Variants in NKAIN3 observed in about 807,000 individuals in gnomAD.
The protein encoded by NKAIN3 is sodium/potassium-transporting ATPase subunit beta-1-interacting protein 3.
Under a neutral mutation model 30.2 loss-of-function variants are expected in NKAIN3, and 25 were observed. The ratio of observed to expected loss-of-function variants is 0.83; its 90% CI spans 0.60 to 1.16. NKAIN3 has a LOEUF of 1.16. Among genes scored for constraint, NKAIN3 ranks in the 50% most tolerant of loss-of-function variants. NKAIN3 has a pLI of 0.00. For synonymous variants in NKAIN3, 91 were observed against 89.6 expected (o/e 1.02, Z -0.09); for missense variants, 225 against 254.1 (o/e 0.89, Z 0.78).
chr8:62,738,610 A>AAG lies in NKAIN3; in HGVS notation c.274-8321_274-8320insGA, dbSNP rs1380455669. Among the ~76,000 whole-genome samples, 7 of 151,700 alleles carry AAG rather than the reference A, an allele frequency of 4.6e-5. No individual in the cohort carries two copies. The East Asian group carries it at 1.4e-3, about 29-fold the overall frequency. ...CAAGATACTCCATCTCCAAAAAAAA[A>AAG]AAAAAAAAGTCCTCTTTTGAGTAGT... On this transcript the variant is annotated intron_variant, in intron 3 of 6. Transcript: ENST00000623646.
At chr8:62,863,274 A>G (rs780766733) in intron 4 of NKAIN3, 1 of 1,555,662 alleles carries the variant, frequency 6.4e-7, no homozygotes, top group Non-Finnish European at 8.7e-7. Flanking sequence ...TTTTTCCTAT[A>G]GGTTTCTGCT....
At chr8:62,431,596 A>G (rs1185629185) in intron 1 of NKAIN3, among the ~76,000 whole-genome samples, 1 of 151,902 alleles carries the variant, frequency 6.6e-6, no homozygotes, top group Non-Finnish European at 1.5e-5. Flanking sequence ...ACTTTAACAA[A>G]ATGAACCAAA....
intron 1 of NKAIN3, among the ~76,000 whole-genome samples, chr8:62,421,471 A>T (rs1804638701): frequency 6.6e-6 from 1 of 152,086 alleles, no homozygotes; most frequent in Non-Finnish European, 1.5e-5. Context: ...GCAGGAGAGG[A>T]TCTAATCCCC....
chr8:62,753,943 A>T (rs948478716), intron 4 of NKAIN3, among the ~76,000 whole-genome samples: 2 of 152,182 alleles, frequency 1.3e-5, no homozygotes, highest in Non-Finnish European at 2.9e-5. Context: ...TAATTTTAAG[A>T]CCATATATAA....
At chr8:62,961,753 C>T (rs1823577099) in intron 6 of NKAIN3, among the ~76,000 whole-genome samples, 1 of 152,020 alleles carries the variant, frequency 6.6e-6, no homozygotes, top group Admixed American at 6.6e-5. Context: ...TACTAACAGA[C>T]TCACATTACA....
At chr8:62,315,383 C>T (rs912579395) in intron 1 of NKAIN3, among the ~76,000 whole-genome samples, 4 of 152,110 alleles carry the variant, frequency 2.6e-5, no homozygotes, top group African/African-American at 4.8e-5. Context: ...CCCTGGGATT[C>T]GTCAGGATTT....
intron 4 of NKAIN3, among the ~76,000 whole-genome samples, chr8:62,749,752 G>A (rs1300376966): frequency 7.0e-6 from 1 of 142,342 alleles, no homozygotes; most frequent in African/African-American, 2.6e-5. Context: ...GCGTGATCTC[G>A]GTTCACTGCA....
intron 4 of NKAIN3, among the ~76,000 whole-genome samples, chr8:62,808,104 TTTAGGTCTCCCTTATTTA>T (rs1818363980): frequency 6.6e-6 from 1 of 152,178 alleles, no homozygotes. Context: ...TTGTCTAGTT[TTTAGGTCTCCCTTATTTA>T]TTAGGGGCAC....
intron 2 of NKAIN3, among the ~76,000 whole-genome samples, chr8:62,585,661 T>C (rs1021787776): frequency 6.6e-6 from 1 of 152,134 alleles, no homozygotes; most frequent in Non-Finnish European, 1.5e-5. Flanking sequence ...GAGAATCTAA[T>C]GCCACGCTGA....
At chr8:62,420,904 A>G (rs999766590) in intron 1 of NKAIN3, among the ~76,000 whole-genome samples, 1 of 152,164 alleles carries the variant, frequency 6.6e-6, no homozygotes, top group African/African-American at 2.4e-5. Flanking sequence ...TTTATAGAAC[A>G]GAGCCCAGAG....
chr8:62,249,501 T>A (rs1413795752), intron 1 of NKAIN3, among the ~76,000 whole-genome samples: 1 of 152,262 alleles, frequency 6.6e-6, no homozygotes, highest in African/African-American at 2.4e-5. Flanking sequence ...ACACGGGGAC[T>A]TGCGGGCTCT....
intron 4 of NKAIN3, among the ~76,000 whole-genome samples, chr8:62,749,106 T>A (rs540183608): frequency 2.0e-5 from 3 of 152,180 alleles, no homozygotes; most frequent in Non-Finnish European, 4.4e-5. Flanking sequence ...TTTTCTAAAA[T>A]CTTTCATATG....
At chr8:62,676,775 A>G (rs1414204946) in intron 3 of NKAIN3, among the ~76,000 whole-genome samples, 1 of 149,630 alleles carries the variant, frequency 6.7e-6, no homozygotes, top group African/African-American at 2.5e-5. Flanking sequence ...ATGCAGTGGC[A>G]TGAACATGGC....
chr8:62,345,484 TATATATACACACATATATACAC>T lies in NKAIN3; in HGVS notation c.54+96369_54+96390del, dbSNP rs1458962122. 3.2e-4 allele frequency among the ~76,000 whole-genome samples: 9 copies of T among 27,808 alleles called. 1 individual carries two copies. In the East Asian group the frequency reaches 9.2e-3, roughly 28 times the overall value. The allele number at this position is 27,808 out of a possible 152,430, so 18.2% of individuals were successfully genotyped here. A position where few individuals can be genotyped will look rare whatever the true frequency, so the allele number is the denominator to read the frequency against. ...ATATACACATATATACACATATATG[TATATATACACACATATATACAC>T]ATATATACACATATATGTATATATA... On this transcript the variant is annotated intron_variant, in intron 1 of 6. Coordinates refer to ENST00000623646, the MANE Select transcript of NKAIN3 (RefSeq NM_001304533.3).
rs146816264 is a variant in NKAIN3, at chr8:62,964,745, A to C, written c.604-609A>C. Among the ~76,000 whole-genome samples the C allele has an allele frequency of 3.0e-4, 45 of 152,214 alleles. 1 individual carries two copies. The highest frequency in any genetic ancestry group is 1.1e-3 in the African/African-American group (44 of 41,522). On this transcript the variant is annotated intron_variant, in intron 6 of 6. Transcript: ENST00000623646. ...ATTGCATGAGGCCCACCCACATTAC[A>C]GACGGCAATCTGCTTTACTCAAAGT...
At chr8:62,312,257 A>G (rs1448363135) in intron 1 of NKAIN3, among the ~76,000 whole-genome samples, 1 of 150,734 alleles carries the variant, frequency 6.6e-6, no homozygotes, top group Non-Finnish European at 1.5e-5. Flanking sequence ...TTAAAATGTA[A>G]TTAATTAGAG....
Position 62,868,576 on chromosome 8 carries a change from G to A in NKAIN3, c.472-49877G>A, listed in dbSNP as rs116152426. Among the ~76,000 whole-genome samples, 1,191 of 152,304 alleles carry A rather than the reference G, an allele frequency of 7.8e-3. 9 individuals carry two copies. The highest frequency in any genetic ancestry group is 0.027 in the African/African-American group (1,126 of 41,550). On this transcript the variant is annotated intron_variant, in intron 4 of 6. Coordinates refer to ENST00000623646, the MANE Select transcript of NKAIN3 (RefSeq NM_001304533.3). ...CCCGTGGTGCTGTAACTTTGATTCA[G>A]CCAGTGTACTGAATAGTCGGCCCTG...
intron 1 of NKAIN3, among the ~76,000 whole-genome samples, chr8:62,298,000 A>G (rs1438529046): frequency 6.6e-6 from 1 of 152,168 alleles, no homozygotes; most frequent in African/African-American, 2.4e-5. Context: ...GCCATAAAAA[A>G]TGATGAGTTC....
intron 1 of NKAIN3, among the ~76,000 whole-genome samples, chr8:62,441,938 C>T (rs1805337901): frequency 6.6e-6 from 1 of 152,022 alleles, no homozygotes. Context: ...CTTTGATTAT[C>T]AGACTGAATT....
Sources: gnomAD v4.1 joint callset for allele counts (sites outside exome capture counted in the v4.1 genomes callset) on GRCh38, gnomAD v4.1.1 for gene constraint, MANE v1.5 for transcripts, NCBI Gene and HGNC (gene_info 2026-07-23, HGNC 2026-07-21) for gene names.